The following TMEM201 variants were observed in gnomAD, a reference collection of about 807,000 sequenced individuals.
TMEM201 encodes transmembrane protein 201.
Under a neutral mutation model 63.4 loss-of-function variants are expected in TMEM201, and 26 were observed. The observed-to-expected ratio is 0.41, with a 90% CI of 0.30 to 0.57. The LOEUF is 0.57. Ranked by LOEUF, TMEM201 falls within the 20% of genes least tolerant of loss-of-function variation. The pLI is 0.29. For missense variants in TMEM201, 794 were observed against 917.7 expected (o/e 0.87, Z 1.74); for synonymous variants, 417 against 421.6 (o/e 0.99, Z 0.14).
chr1:9,597,195 C>A, intron 3 of TMEM201, 142 bp downstream of exon 3: 1 of 1,015,894 alleles, frequency 9.8e-7, no homozygotes, highest in Non-Finnish European at 1.4e-6. Flanking sequence ...TCTGAGTGCC[C>A]AAAGGGGCCC....
chr1:9,613,134 C>G lies in TMEM201; in HGVS notation c.*51C>G. On this transcript the variant is annotated 3_prime_UTR_variant, in exon 11 of 11. Transcript: ENST00000340381. ...GAGCAACCCGGTGCCTGCTGCTTCA[C>G]CACTGCCGGCCTCAGGACCCTCCCT... The G allele has an allele frequency of 2.0e-6, 3 of 1,519,768 alleles. No individual in the cohort carries two copies. The highest frequency in any genetic ancestry group is 2.7e-6 in the Non-Finnish European group (3 of 1,124,548). 94.1% of individuals were successfully genotyped at this position (1,519,768 alleles called of 1,614,324 possible).
In TMEM201 at chr1:9,604,728, C is replaced by T. The variant is rs564181870; in HGVS notation, c.1160+2456C>T. On this transcript the variant is annotated intron_variant, in intron 6 of 10. Coordinates refer to ENST00000340381, the MANE Select transcript of TMEM201 (RefSeq NM_001130924.3). This position sits in a 1 kb window ranked among gnomAD's most constrained non-coding sequence, Gnocchi z 4.1. ...CCGTACCCCTTGCCTGGGAGCAAAC[C>T]GCCAGGACGCAGCCTCCACGCCGCA... The T allele has an allele frequency of 3.1e-4, 308 of 985,996 alleles. 5 individuals carry two copies. In the South Asian group the frequency reaches 0.012, roughly 40 times the overall value. The allele number at this position is 985,996 out of a possible 1,614,324, so 61.1% of individuals were successfully genotyped here.
chr1:9,603,969 G>T lies in TMEM201; in HGVS notation c.1160+1697G>T. Reference sequence around the variant, plus strand: ...CACTGGTTCTGCAGTGAGGAGTTGGGGCGGGTGAGCCAAAGCGGCCCCCCA... The same window carrying T: ...CACTGGTTCTGCAGTGAGGAGTTGGTGCGGGTGAGCCAAAGCGGCCCCCCA... On this transcript the variant is annotated intron_variant, in intron 6 of 10. Transcript: ENST00000340381. The surrounding 1 kb of genome is among the most constrained non-coding windows in gnomAD (Gnocchi z 4.5). 4 of 985,482 alleles carry T rather than the reference G, an allele frequency of 4.1e-6. No homozygotes were observed. The highest frequency in any genetic ancestry group is 4.8e-6 in the Non-Finnish European group (4 of 829,962). The allele number at this position is 985,482 out of a possible 1,614,324, so 61.0% of individuals were successfully genotyped here. A position where few individuals can be genotyped will look rare whatever the true frequency, so the allele number is the denominator to read the frequency against.
At chr1:9,594,288 A>G (rs1456394268) in intron 1 of TMEM201, among the ~76,000 whole-genome samples, 4 of 152,090 alleles carry the variant, frequency 2.6e-5, no homozygotes, top group African/African-American at 9.7e-5. Context: ...TGTTGACAAG[A>G]TGCAGCGGTC....
In TMEM201 at chr1:9,591,302, C is replaced by G. The variant is rs534633228; in HGVS notation, c.113+2259C>G. The stretch of plus-strand genomic sequence containing the variant: ...CCAAAGCTTGGGGAGGTTGGGCTAC[C>G]TGCCCCACATCACCCGGCTGTTAAA... On this transcript the variant is annotated intron_variant, in intron 1 of 10. Coordinates refer to ENST00000340381, the MANE Select transcript of TMEM201 (RefSeq NM_001130924.3). Among the ~76,000 whole-genome samples, 8 of 152,352 alleles carry G rather than the reference C, an allele frequency of 5.3e-5. No homozygotes were observed. In the East Asian group the frequency reaches 1.3e-3, roughly 26 times the overall value.
rs1644302774 is a variant in TMEM201, at chr1:9,610,226, A to G, written c.1466-280A>G. ...CCTTGTACCTCCAGGGTTTGCTGCT[A>G]TCTGGCCTTGCTCTCAGCTGATGGT... On this transcript the variant is annotated intron_variant, in intron 8 of 10. Coordinates refer to ENST00000340381, the MANE Select transcript of TMEM201 (RefSeq NM_001130924.3). This position sits in a 1 kb window ranked among gnomAD's most constrained non-coding sequence, Gnocchi z 4.9. Among the ~76,000 whole-genome samples, 1 of 152,090 alleles carries G rather than the reference A, an allele frequency of 6.6e-6. No individual in the cohort carries two copies. Among genetic ancestry groups the G allele is most frequent in the Non-Finnish European group, 1.5e-5 (1 of 68,008 alleles).
rs200178358 is a variant in TMEM201, at chr1:9,604,648, AT to A, written c.1160+2378del. 0.019 allele frequency: 19,144 copies of A among 985,650 alleles called. 194 individuals carry two copies. The highest frequency in any genetic ancestry group is 0.022 in the Non-Finnish European group (17,914 of 829,954). The allele number at this position is 985,650 out of a possible 1,614,324, so 61.1% of individuals were successfully genotyped here. On this transcript the variant is annotated intron_variant, in intron 6 of 10. Transcript: ENST00000340381. This position sits in a 1 kb window ranked among gnomAD's most constrained non-coding sequence, Gnocchi z 4.1. ...CGTCCCTGAGACATAAGCGAGGTAG[AT>A]TCAGCCATCCTCACCCTCAGACTTG...
Position 9,598,454 on chromosome 1 carries a change from G to T in TMEM201, c.435G>T (p.Arg145Ser), listed in dbSNP as rs748321818. 5.6e-6 allele frequency: 9 copies of T among 1,612,784 alleles called. No homozygotes were observed. In the Admixed American group the frequency reaches 1.5e-4, roughly 27 times the overall value. The change falls in exon 4 of 11, where the codon AGG becomes AGT. Residue 145 changes from arginine (R) to serine (S), a missense_variant. Coordinates refer to ENST00000340381, the MANE Select transcript of TMEM201 (RefSeq NM_001130924.3). ...LAAFAPREEG[R>S]YDEEVEVYRH... is the part of the protein sequence containing the mutation. ...CTGTTCCCCCAACCCCACAGGGCAG[G>T]TATGACGAGGAGGTCGAGGTGTACC... is the stretch of plus-strand genomic sequence containing the variant.
chr1:9,602,025 AG>A (rs749298135), intron 5 of TMEM201, 43 bp from the exon 6 acceptor site: 31 of 1,588,084 alleles, frequency 2.0e-5, no homozygotes, highest in Non-Finnish European at 2.7e-5. Context: ...TGGACCCAGG[AG>A]GTCTTGTCCT....
Position 9,595,950 on chromosome 1 carries a change from C to T in TMEM201, c.174C>T (p.Pro58=), listed in dbSNP as rs1557549781. ...CWFCNQDTLV[P]YGNRNCWDCP... ...TCTGCAACCAGGATACGCTGGTGCC[C>T]TATGGGAACCGCAACTGCTGGGACT... Residue 58 remains proline (P), a synonymous_variant, in exon 2 of 11, where the codon CCC becomes CCT. Transcript: ENST00000340381. The T allele has an allele frequency of 1.9e-6, 3 of 1,613,676 alleles. No individual in the cohort carries two copies. The highest frequency in any genetic ancestry group is 1.1e-5 in the South Asian group (1 of 91,064).
chr1:9,596,591 C>A (rs1037905242), intron 2 of TMEM201, among the ~76,000 whole-genome samples: 2 of 152,212 alleles, frequency 1.3e-5, no homozygotes, highest in Admixed American at 1.3e-4. Flanking sequence ...AGGACAGATG[C>A]TGGCTAGAGG....
At chr1:9,598,220 T>G (rs568744346) in intron 3 of TMEM201, among the ~76,000 whole-genome samples, 18 of 152,304 alleles carry the variant, frequency 1.2e-4, no homozygotes, top group Admixed American at 1.2e-3. Context: ...TCCCCATCAC[T>G]TGTGGGCCCT....
intron 10 of TMEM201, among the ~76,000 whole-genome samples, chr1:9,612,288 A>C (rs1014405798): frequency 9.2e-5 from 14 of 152,190 alleles, no homozygotes; most frequent in African/African-American, 3.4e-4. Flanking sequence ...GTGCCCAGAG[A>C]GCCTGGGTGC....
intron 1 of TMEM201, among the ~76,000 whole-genome samples, chr1:9,589,684 C>T (rs1197887216): frequency 6.6e-6 from 1 of 152,238 alleles, no homozygotes; most frequent in African/African-American, 2.4e-5. Flanking sequence ...CCATGCGGGC[C>T]CCCGGGTTCA....
chr1:9,603,051 G>C lies in TMEM201; in HGVS notation c.1160+779G>C. 1 of 985,516 alleles carries C rather than the reference G, an allele frequency of 1.0e-6. No individual in the cohort carries two copies. The allele number at this position is 985,516 out of a possible 1,614,324, so 61.0% of individuals were successfully genotyped here. A position where few individuals can be genotyped will look rare whatever the true frequency, so the allele number is the denominator to read the frequency against. On this transcript the variant is annotated intron_variant, in intron 6 of 10. Transcript: ENST00000340381. The surrounding 1 kb of genome is among the most constrained non-coding windows in gnomAD (Gnocchi z 4.5). Reference sequence around the variant, plus strand: ...AGCCTGTGCTGACCTTGGGGAATCTGAGCTTTTCCAAGGGTAAGGGGCCCA... The same window carrying C: ...AGCCTGTGCTGACCTTGGGGAATCTCAGCTTTTCCAAGGGTAAGGGGCCCA...
At position 9,607,526 on chromosome 1, in the gene TMEM201, T is replaced by C; in HGVS notation, c.1161-31T>C. On this transcript the variant is annotated intron_variant, in intron 6 of 10. Transcript: ENST00000340381. This position sits in a 1 kb window ranked among gnomAD's most constrained non-coding sequence, Gnocchi z 5.4. ...CCTCCAGGACCTCCCGCTGACCCTC[T>C]TCTTGTCCCGTGCCTGACGGGCCCT... 6.6e-7 allele frequency: 1 copy of C among 1,519,682 alleles called. No homozygotes were observed. The highest frequency in any genetic ancestry group is 8.9e-7 in the Non-Finnish European group (1 of 1,127,440). 94.1% of individuals were successfully genotyped at this position (1,519,682 alleles called of 1,614,324 possible). A position where few individuals can be genotyped will look rare whatever the true frequency, so the allele number is the denominator to read the frequency against.
In TMEM201 at chr1:9,614,802, A is replaced by G. The variant is rs1237803794; in HGVS notation, c.*1719A>G. On this transcript the variant is annotated 3_prime_UTR_variant, in exon 11 of 11. Coordinates refer to ENST00000340381, the MANE Select transcript of TMEM201 (RefSeq NM_001130924.3). ...GGGAGGGGGTTTTATGTTTTGTTTC[A>G]AACAGAAAACACAACCTTATTTTTC... 6.6e-6 allele frequency: 1 copy of G among 152,178 alleles called. No homozygotes were observed. The highest frequency in any genetic ancestry group is 1.5e-5 in the Non-Finnish European group (1 of 68,028). 9.4% of individuals were successfully genotyped at this position (152,178 alleles called of 1,614,324 possible). A position where few individuals can be genotyped will look rare whatever the true frequency, so the allele number is the denominator to read the frequency against.
At chr1:9,599,998 G>A (rs1644105918) in intron 4 of TMEM201, among the ~76,000 whole-genome samples, 1 of 152,190 alleles carries the variant, frequency 6.6e-6, no homozygotes, top group African/African-American at 2.4e-5. Context: ...CAGGAACAAG[G>A]CAGACAGAAT....
chr1:9,613,001 C>T lies in TMEM201; in HGVS notation c.1919C>T (p.Ser640Phe). ...TGCTTTGCAGGTCGTTTCGGCCCTT[C>T]CCTGGTCCGGGGCCTCCTGGCCGTG... ...AATWRGRFGP[S>F]LVRGLLAVSL... The change falls in exon 11 of 11, where the codon TCC becomes TTC. Residue 640 changes from serine to phenylalanine, a missense_variant. Transcript: ENST00000340381. 6.4e-7 allele frequency: 1 copy of T among 1,551,602 alleles called. No individual in the cohort carries two copies. Among genetic ancestry groups the T allele is most frequent in the Non-Finnish European group, 8.7e-7 (1 of 1,146,988 alleles).
Sources: gnomAD v4.1 joint callset for allele counts (sites outside exome capture counted in the v4.1 genomes callset) on GRCh38, gnomAD v4.1.1 for gene constraint, Gnocchi (gnomAD v3.1) non-coding constraint, MANE v1.5 for transcripts, NCBI Gene and HGNC (gene_info 2026-07-23, HGNC 2026-07-21) for gene names.